The following LRRIQ1 variants were observed in gnomAD, a reference collection of about 807,000 sequenced individuals.
LRRIQ1 encodes the protein leucine rich repeats and IQ motif containing 1, also known as leucine-rich repeat- and IQ domain-containing protein 1.
LRRIQ1 carries 210 observed loss-of-function variants against 211.9 expected under a neutral mutation model. The ratio of observed to expected loss-of-function variants is 0.99; its 90% confidence interval spans 0.89 to 1.11. LRRIQ1 has a LOEUF of 1.11. LRRIQ1 is among the 50% of genes most tolerant of loss of function. The probability of loss-of-function intolerance (pLI) is 0.00; values close to 1 mark genes in which losing one functional copy is unlikely to be tolerated. For synonymous variants in LRRIQ1, 699 were observed against 650.1 expected, an observed-to-expected ratio of 1.08 and a Z score of -1.14; for missense variants, 2,136 against 1,939.5, an observed-to-expected ratio of 1.10 and a Z score of -1.90.
chr12:85,091,072 C>T (rs956756392), intron 11 of LRRIQ1, among the ~76,000 whole-genome samples: 3 of 152,124 alleles, frequency 2.0e-5, no homozygotes, highest in African/African-American at 7.2e-5. Flanking sequence ...TGCCCCCTCT[C>T]TCTCACTTGC....
chr12:85,227,146 C>A (rs1466874779), intron 24 of LRRIQ1, among the ~76,000 whole-genome samples: 3 of 152,004 alleles, frequency 2.0e-5, no homozygotes, highest in Non-Finnish European at 2.9e-5. Flanking sequence ...AACTAGTTTA[C>A]AGTCCCACCA....
chr12:85,191,178 A>G (rs1239342817), intron 24 of LRRIQ1, among the ~76,000 whole-genome samples: 3 of 151,956 alleles, frequency 2.0e-5, no homozygotes, highest in Admixed American at 1.3e-4. Flanking sequence ...ATTATCACCC[A>G]AAGTCCATAG....
intron 20 of LRRIQ1, 58 bp downstream of exon 20, chr12:85,152,427 C>G: frequency 7.3e-7 from 1 of 1,377,158 alleles, no homozygotes; most frequent in Non-Finnish European, 1.0e-6. Context: ...TAAGGTTATG[C>G]TATGTTGCAG....
chr12:85,153,229 C>T, intron 21 of LRRIQ1, 84 bp downstream of exon 21: 1 of 1,254,336 alleles, frequency 8.0e-7, no homozygotes, highest in Non-Finnish European at 1.1e-6. Context: ...AATTATAAAA[C>T]TAGATGTGAA....
At position 85,174,701 on chromosome 12, in the gene LRRIQ1, CAAAAAAA is replaced by C. The variant is rs71076115; in HGVS notation, c.4822+14003_4822+14009del. On this transcript the variant is annotated intron_variant, in intron 24 of 26. Coordinates refer to ENST00000393217, the MANE Select transcript of LRRIQ1 (RefSeq NM_001079910.2). ...TGGGTGACAGAGCAAGAGTACAGCT[CAAAAAAA>C]AAAAAAAAAAAAAAATCTGAGATCC... Among the ~76,000 whole-genome samples, 14 of 21,598 alleles carry C rather than the reference CAAAAAAA, an allele frequency of 6.5e-4. 1 individual carries two copies. Among genetic ancestry groups the C allele is most frequent in the African/African-American group, 2.8e-3 (9 of 3,224 alleles). The allele number at this position is 21,598 out of a possible 152,430, so 14.2% of individuals were successfully genotyped here.
At chr12:85,248,821 C>CA (rs1189801696), downstream of LRRIQ1, among the ~76,000 whole-genome samples, 1 of 151,408 alleles carries the variant, frequency 6.6e-6, no homozygotes, top group Non-Finnish European at 1.5e-5. Flanking sequence ...ACCATTTAAG[C>CA]AAAAGTAAAG....
At chr12:85,119,699 T>C (rs2136411254) in intron 15 of LRRIQ1, among the ~76,000 whole-genome samples, 1 of 152,292 alleles carries the variant, frequency 6.6e-6, no homozygotes, top group African/African-American at 2.4e-5. Context: ...TGGGTTTTGG[T>C]TATTCTAATA....
chr12:85,084,164 A>C (rs1884584935), intron 11 of LRRIQ1, among the ~76,000 whole-genome samples: 1 of 152,170 alleles, frequency 6.6e-6, no homozygotes, highest in African/African-American at 2.4e-5. Flanking sequence ...TTCTATGCCT[A>C]TTATTTCAAG....
intron 24 of LRRIQ1, among the ~76,000 whole-genome samples, chr12:85,163,159 G>A (rs1890983730): frequency 6.6e-6 from 1 of 152,128 alleles, no homozygotes; most frequent in Admixed American, 6.5e-5. Context: ...AGTAGAGAGT[G>A]CCTCCTGAAC....
intron 24 of LRRIQ1, among the ~76,000 whole-genome samples, chr12:85,217,716 A>G (rs1315862940): frequency 7.4e-6 from 1 of 134,982 alleles, no homozygotes; most frequent in Non-Finnish European, 1.5e-5. Flanking sequence ...GTGTGTGTAT[A>G]TATGTATATA....
intron 11 of LRRIQ1, among the ~76,000 whole-genome samples, chr12:85,084,005 C>T (rs1884567754): frequency 6.6e-6 from 1 of 152,096 alleles, no homozygotes; most frequent in African/African-American, 2.4e-5. Flanking sequence ...TATTTTCTGT[C>T]TCCCAGATGA....
At chr12:85,071,845 T>A (rs1883117535) in intron 10 of LRRIQ1, among the ~76,000 whole-genome samples, 1 of 152,020 alleles carries the variant, frequency 6.6e-6, no homozygotes, top group African/African-American at 2.4e-5. Flanking sequence ...AAAAACAGTA[T>A]GGAGGAAACT....
chr12:85,265,950 C>A (rs1201669687), downstream of LRRIQ1, among the ~76,000 whole-genome samples: 1 of 151,902 alleles, frequency 6.6e-6, no homozygotes, highest in African/African-American at 2.4e-5. Flanking sequence ...ACAGGGCACA[C>A]AAATCCTAGT....
intron 24 of LRRIQ1, among the ~76,000 whole-genome samples, chr12:85,181,208 G>C (rs1164061742): frequency 7.4e-6 from 1 of 134,700 alleles, no homozygotes; most frequent in Non-Finnish European, 1.6e-5. Context: ...AATTAACTTA[G>C]TTTTTATCCC....
At chr12:85,047,736 A>T (rs1592695352) in intron 6 of LRRIQ1, 2 of 311,108 alleles carry the variant, frequency 6.4e-6, no homozygotes, top group East Asian at 1.4e-4. Flanking sequence ...GATAGCCTGA[A>T]ATTTACAATA....
intron 26 of LRRIQ1, among the ~76,000 whole-genome samples, chr12:85,240,125 C>T (rs929957715): frequency 3.3e-5 from 5 of 152,140 alleles, no homozygotes; most frequent in South Asian, 4.1e-4. Flanking sequence ...TTTGCCCTTA[C>T]GAAGACACAA....
intron 1 of LRRIQ1, among the ~76,000 whole-genome samples, chr12:85,253,929 CTCATTGAAATCTAATCCCCAGTGTG>C (rs1479203728): frequency 1.3e-5 from 2 of 152,014 alleles, no homozygotes; most frequent in Non-Finnish European, 2.9e-5. Context: ...CTGCTCACAT[CTCATTGAAATCTAATCCCCAGTGTG>C]GGAAGTGGGG....
At chr12:85,239,510 A>AT (rs1895363747) in intron 26 of LRRIQ1, among the ~76,000 whole-genome samples, 2 of 151,952 alleles carry the variant, frequency 1.3e-5, no homozygotes, top group South Asian at 2.1e-4. Flanking sequence ...AGGTCAATTG[A>AT]TTTTTTATAA....
At chr12:85,190,488 A>G (rs1892453338) in intron 24 of LRRIQ1, among the ~76,000 whole-genome samples, 1 of 148,040 alleles carries the variant, frequency 6.8e-6, no homozygotes, top group East Asian at 1.9e-4. Context: ...TTTATATTAT[A>G]TACAATTTTA....
Sources: gnomAD v4.1 joint callset for allele counts (sites outside exome capture counted in the v4.1 genomes callset) on GRCh38, gnomAD v4.1.1 for gene constraint, MANE v1.5 for transcripts, NCBI Gene and HGNC (gene_info 2026-07-23, HGNC 2026-07-21) for gene names.